Variants in GNG12 observed in about 807,000 individuals in gnomAD.
The protein encoded by GNG12 is G protein subunit gamma 12.
For missense variants in GNG12, 69 were observed against 83.8 expected, an observed-to-expected ratio of 0.82 and a Z score of 0.69; for synonymous variants, 28 against 29.7, an observed-to-expected ratio of 0.94 and a Z score of 0.19.
At chr1:67,723,870 T>C (rs1646370778) in intron 2 of GNG12, among the ~76,000 whole-genome samples, 1 of 152,018 alleles carries the variant, frequency 6.6e-6, no homozygotes, top group African/African-American at 2.4e-5. Flanking sequence ...GGGGAGGAGT[T>C]ATTAGTCACT....
chr1:67,725,937 C>A (rs1296702618), intron 2 of GNG12, among the ~76,000 whole-genome samples: 2 of 152,154 alleles, frequency 1.3e-5, no homozygotes, highest in African/African-American at 4.8e-5. Context: ...TCACTTACAA[C>A]AAATGAAAAG....
intron 2 of GNG12, among the ~76,000 whole-genome samples, chr1:67,712,597 G>A (rs573292157): frequency 1.3e-5 from 2 of 152,274 alleles, no homozygotes; most frequent in Admixed American, 1.3e-4. Context: ...GGAGGCTGAA[G>A]TGGGAGAATC....
chr1:67,824,932 G>A (rs1647003564), intron 1 of GNG12, among the ~76,000 whole-genome samples: 1 of 152,146 alleles, frequency 6.6e-6, no homozygotes, highest in Admixed American at 6.6e-5. Context: ...GCCATAGGAA[G>A]TCAGAGAACT....
chr1:67,725,366 G>C (rs1646379670), intron 2 of GNG12, among the ~76,000 whole-genome samples: 1 of 152,270 alleles, frequency 6.6e-6, no homozygotes, highest in East Asian at 1.9e-4. Flanking sequence ...AACATGTCTG[G>C]ATTTGAGGAA....
rs958776977 is a variant in GNG12, at chr1:67,777,502, A to G, written c.-71T>C. 25 of 867,176 alleles carry G rather than the reference A, an allele frequency of 2.9e-5. No homozygotes were observed. The African/African-American group carries it at 4.4e-4, about 15-fold the overall frequency. 53.7% of individuals were successfully genotyped at this position (867,176 alleles called of 1,614,324 possible). A position where few individuals can be genotyped will look rare whatever the true frequency, so the allele number is the denominator to read the frequency against. On this transcript the variant is annotated 5_prime_UTR_variant, in exon 2 of 4. Coordinates refer to ENST00000370982, the MANE Select transcript of GNG12 (RefSeq NM_018841.6). ...CCAATGTTTTCAGGTTTTAAGTGGA[A>G]TGAATCTGAAATAGAATTAAATAAA... is the stretch of plus-strand genomic sequence containing the variant.
intron 2 of GNG12, among the ~76,000 whole-genome samples, chr1:67,775,453 G>T (rs1000945992): frequency 6.6e-6 from 1 of 152,256 alleles, no homozygotes; most frequent in Non-Finnish European, 1.5e-5. Context: ...GGTTCCTGGG[G>T]TCTACCCCAG....
At chr1:67,768,991 G>A (rs997487644) in intron 2 of GNG12, among the ~76,000 whole-genome samples, 2 of 152,160 alleles carry the variant, frequency 1.3e-5, no homozygotes, top group African/African-American at 4.8e-5. Flanking sequence ...TCTGGGGGAG[G>A]AAAGGAGGGA....
intron 2 of GNG12, among the ~76,000 whole-genome samples, chr1:67,771,914 T>C (rs1646677194): frequency 6.6e-6 from 1 of 152,202 alleles, no homozygotes; most frequent in Non-Finnish European, 1.5e-5. Flanking sequence ...AACCTCAACA[T>C]ATAATTTAAT....
intron 2 of GNG12, among the ~76,000 whole-genome samples, chr1:67,711,856 C>T (rs1321566310): frequency 6.6e-6 from 1 of 152,162 alleles, no homozygotes; most frequent in Non-Finnish European, 1.5e-5. Context: ...AAAAGCTGTA[C>T]ACTGGGCCAC....
chr1:67,718,169 G>C (rs1646337268), intron 2 of GNG12, among the ~76,000 whole-genome samples: 1 of 152,102 alleles, frequency 6.6e-6, no homozygotes, highest in Non-Finnish European at 1.5e-5. Context: ...AAGCTTGAAT[G>C]GTCCACAGTT....
chr1:67,804,725 G>A (rs1044837862), intron 1 of GNG12, among the ~76,000 whole-genome samples: 1 of 151,936 alleles, frequency 6.6e-6, no homozygotes, highest in Non-Finnish European at 1.5e-5. Context: ...GCAGAAGCCT[G>A]CGTAGGAACC....
chr1:67,753,059 C>CT (rs1646547635), intron 2 of GNG12, among the ~76,000 whole-genome samples: 1 of 152,244 alleles, frequency 6.6e-6, no homozygotes, highest in Admixed American at 6.5e-5. Context: ...CATGTGCCCT[C>CT]TTCCCTACTT....
rs1275156635 is a variant in GNG12 at position 67,702,287 on chromosome 1, G to A, written c.*3164C>T. On this transcript the variant is annotated 3_prime_UTR_variant, in exon 4 of 4. Coordinates refer to ENST00000370982, the MANE Select transcript of GNG12 (RefSeq NM_018841.6). ...CTGAGAAATGACTGGCATGTACTAC[G>A]ATCATTTTGGGGGCCTATATAGATC... 1.3e-5 allele frequency: 2 copies of A among 152,170 alleles called. No individual in the cohort carries two copies. The highest frequency in any genetic ancestry group is 2.4e-5 in the African/African-American group (1 of 41,440). 9.4% of individuals were successfully genotyped at this position (152,170 alleles called of 1,614,324 possible). A position where few individuals can be genotyped will look rare whatever the true frequency, so the allele number is the denominator to read the frequency against.
intron 1 of GNG12, among the ~76,000 whole-genome samples, chr1:67,822,484 G>GT (rs1646989933): frequency 6.6e-6 from 1 of 152,182 alleles, no homozygotes; most frequent in Non-Finnish European, 1.5e-5. Flanking sequence ...TGACACTGCA[G>GT]TGAGGTAGGT....
Position 67,833,400 on chromosome 1 carries a change from C to T in GNG12, c.-133G>A. 1 of 985,524 alleles carries T rather than the reference C, an allele frequency of 1.0e-6. No individual in the cohort carries two copies. The highest frequency in any genetic ancestry group is 1.2e-6 in the Non-Finnish European group (1 of 830,174). The allele number at this position is 985,524 out of a possible 1,614,324, so 61.0% of individuals were successfully genotyped here. ...GCCGGGACTCGGTCTCTAAGGGCTC[C>T]TGGAGACGGCTCCGACCTCTCCTCC... On this transcript the variant is annotated 5_prime_UTR_variant, in exon 1 of 4. Coordinates refer to ENST00000370982, the MANE Select transcript of GNG12 (RefSeq NM_018841.6).
intron 2 of GNG12, among the ~76,000 whole-genome samples, chr1:67,713,820 C>A (rs1646309910): frequency 6.6e-6 from 1 of 152,192 alleles, no homozygotes; most frequent in Non-Finnish European, 1.5e-5. Context: ...CCTTCCCTTG[C>A]ACATACAAAT....
chr1:67,751,983 G>A (rs146249959), intron 2 of GNG12, among the ~76,000 whole-genome samples: 218 of 152,274 alleles, frequency 1.4e-3, no homozygotes, highest in Non-Finnish European at 2.6e-3. Flanking sequence ...CAGTATGGTC[G>A]TATTACATCT....
At chr1:67,788,143 A>G (rs1646780821) in intron 1 of GNG12, among the ~76,000 whole-genome samples, 1 of 152,200 alleles carries the variant, frequency 6.6e-6, no homozygotes, top group South Asian at 2.1e-4. Flanking sequence ...ATAATTTGCC[A>G]TAATTTACAC....
At chr1:67,798,648 A>G (rs1210371972) in intron 1 of GNG12, among the ~76,000 whole-genome samples, 2 of 151,868 alleles carry the variant, frequency 1.3e-5, no homozygotes, top group Non-Finnish European at 2.9e-5. Context: ...ATGATGATCC[A>G]CTTCCACTTA....
Sources: allele counts gnomAD v4.1 joint callset (sites outside exome capture counted in the v4.1 genomes callset), GRCh38; gene constraint gnomAD v4.1.1; transcripts MANE v1.5; gene names NCBI Gene and HGNC (gene_info 2026-07-23, HGNC 2026-07-21).